Variants in FOCAD observed in about 807,000 individuals in gnomAD.
FOCAD encodes focadhesin.
In FOCAD, 198 loss-of-function variants were observed where a neutral mutation model predicts 225.6. The observed-to-expected ratio is 0.88, with a 90% CI of 0.78 to 0.99. FOCAD has a LOEUF of 0.99. Among genes scored for constraint, FOCAD ranks in the 50% least tolerant of loss-of-function variants. FOCAD has a pLI of 0.00. For synonymous variants in FOCAD, 897 were observed against 755.0 expected, an observed-to-expected ratio of 1.19 and a Z score of -3.08; for missense variants, 2,713 against 2,123.6, an observed-to-expected ratio of 1.28 and a Z score of -5.46.
In FOCAD at chr9:20,789,596, AG is replaced by A; in HGVS notation, c.1444del (p.Asp482IlefsTer8). 1.2e-6 allele frequency: 2 copies of A among 1,613,916 alleles called. No homozygotes were observed. The highest frequency in any genetic ancestry group is 1.7e-6 in the Non-Finnish European group (2 of 1,179,890). On this transcript the variant is annotated frameshift_variant, in exon 11 of 44. Transcript: ENST00000338382. LOFTEE classifies it high-confidence loss of function. ...AGGTCACTACAGAATTAGCCCAAGC[AG>A]ATTCCTCCCAGGTAAAGCAAGAGAA... ...LKVTTELAQADSSQVPNLIPV... is the reference protein window; with the variant it reads ...LKVTTELAQAXSSQVPNLIPV...
chr9:20,772,521 A>G (rs758566489), intron 8 of FOCAD, among the ~76,000 whole-genome samples: 10 of 152,212 alleles, frequency 6.6e-5, no homozygotes, highest in Admixed American at 6.5e-5. Flanking sequence ...CAAGAAAATC[A>G]AGGGAAGGAA....
chr9:20,725,185 C>A (rs1159239891), intron 4 of FOCAD, among the ~76,000 whole-genome samples: 2 of 152,266 alleles, frequency 1.3e-5, no homozygotes, highest in East Asian at 3.9e-4. Context: ...CAATCAATCA[C>A]TCAATCAATC....
At chr9:20,854,684 T>G (rs1474395822) in intron 15 of FOCAD, among the ~76,000 whole-genome samples, 1 of 151,748 alleles carries the variant, frequency 6.6e-6, no homozygotes, top group African/African-American at 2.4e-5. Context: ...CAACAAAGTA[T>G]GCATAACATA....
intron 21 of FOCAD, among the ~76,000 whole-genome samples, chr9:20,896,321 A>G (rs1832082951): frequency 6.6e-6 from 1 of 151,752 alleles, no homozygotes; most frequent in East Asian, 1.9e-4. Flanking sequence ...GAGATTTCCT[A>G]TTCTTGTTAA....
chr9:20,712,287 A>G (rs1824914984), intron 1 of FOCAD, among the ~76,000 whole-genome samples: 1 of 152,174 alleles, frequency 6.6e-6, no homozygotes, highest in South Asian at 2.1e-4. Context: ...CTTTTTAGTA[A>G]AAAAACGCCG....
intron 28 of FOCAD, among the ~76,000 whole-genome samples, chr9:20,933,891 A>T (rs534475171): frequency 2.3e-4 from 35 of 151,508 alleles, no homozygotes; most frequent in Admixed American, 9.8e-4. Flanking sequence ...TTTTTTTATT[A>T]TGGCCATTCT....
chr9:20,917,384 C>G (rs1023198612), intron 24 of FOCAD, among the ~76,000 whole-genome samples: 8 of 152,082 alleles, frequency 5.3e-5, no homozygotes, highest in African/African-American at 1.9e-4. Flanking sequence ...AAACTAATGC[C>G]AAGGCCCATT....
At chr9:20,979,297 C>T (rs1840478647) in intron 37 of FOCAD, among the ~76,000 whole-genome samples, 1 of 152,130 alleles carries the variant, frequency 6.6e-6, no homozygotes, top group Non-Finnish European at 1.5e-5. Context: ...TTATCATTTC[C>T]TCAGTCTCTT....
At chr9:20,915,891 A>G (rs1450079934) in intron 23 of FOCAD, among the ~76,000 whole-genome samples, 2 of 152,166 alleles carry the variant, frequency 1.3e-5, no homozygotes, top group African/African-American at 2.4e-5. Context: ...ACACTGACCA[A>G]TGAAATATTA....
At chr9:20,956,254 C>T (rs926992728) in intron 35 of FOCAD, among the ~76,000 whole-genome samples, 5 of 152,138 alleles carry the variant, frequency 3.3e-5, no homozygotes, top group African/African-American at 7.2e-5. Context: ...ATAAATAATA[C>T]GAGAAAGCTG....
At chr9:20,801,004 G>C (rs1019536345) in intron 11 of FOCAD, among the ~76,000 whole-genome samples, 1 of 152,044 alleles carries the variant, frequency 6.6e-6, no homozygotes, top group Non-Finnish European at 1.5e-5. Flanking sequence ...CTTTGATGAT[G>C]GTGAAGTACA....
At chr9:20,964,683 A>G (rs1475333558) in intron 35 of FOCAD, among the ~76,000 whole-genome samples, 2 of 151,960 alleles carry the variant, frequency 1.3e-5, no homozygotes, top group Non-Finnish European at 2.9e-5. Flanking sequence ...CAACAGGCGC[A>G]TGCCACCACG....
chr9:20,851,533 C>T lies in FOCAD; in HGVS notation c.1921-11045C>T, dbSNP rs1366034435. 4.0e-5 allele frequency among the ~76,000 whole-genome samples: 6 copies of T among 151,710 alleles called. No homozygotes were observed. The East Asian group carries it at 9.6e-4, about 24-fold the overall frequency. On this transcript the variant is annotated intron_variant, in intron 15 of 43. Coordinates refer to ENST00000338382, the MANE Select transcript of FOCAD (RefSeq NM_001375567.1). The stretch of plus-strand genomic sequence containing the variant: ...GCTGTCACATTTCTAATTTCCTACC[C>T]GTTTTGAAATTTTAAAGTAAATTCA...
At chr9:20,746,122 C>T (rs1462708012) in intron 5 of FOCAD, among the ~76,000 whole-genome samples, 1 of 152,186 alleles carries the variant, frequency 6.6e-6, no homozygotes, top group African/African-American at 2.4e-5. Flanking sequence ...TTTAAGTGCG[C>T]AAAGACCAGT....
At chr9:20,702,159 G>T (rs1183599092) in intron 1 of FOCAD, among the ~76,000 whole-genome samples, 2 of 152,062 alleles carry the variant, frequency 1.3e-5, no homozygotes, top group African/African-American at 4.8e-5. Flanking sequence ...CTGGAGTGCA[G>T]TGGCATGATA....
chr9:20,908,540 A>G (rs941969406), intron 22 of FOCAD, among the ~76,000 whole-genome samples: 27 of 152,086 alleles, frequency 1.8e-4, no homozygotes, highest in Admixed American at 7.2e-4. Flanking sequence ...ACTTAGAGCA[A>G]ACAGTTTTAG....
chr9:20,679,586 G>A (rs933707206), upstream of FOCAD, among the ~76,000 whole-genome samples: 1 of 150,432 alleles, frequency 6.6e-6, no homozygotes, highest in East Asian at 1.9e-4. Flanking sequence ...CTTTTTTTTT[G>A]TTGTTGTTAA....
At chr9:20,818,531 A>G (rs1215665075) in intron 11 of FOCAD, among the ~76,000 whole-genome samples, 1 of 151,918 alleles carries the variant, frequency 6.6e-6, no homozygotes, top group East Asian at 1.9e-4. Flanking sequence ...TTTTGAGTTA[A>G]TTTTTACATG....
intron 11 of FOCAD, among the ~76,000 whole-genome samples, chr9:20,797,453 G>A (rs1449644904): frequency 6.6e-6 from 1 of 152,126 alleles, no homozygotes; most frequent in Non-Finnish European, 1.5e-5. Flanking sequence ...CCATGAGCAT[G>A]GAATGTTTTT....
Sources: allele counts gnomAD v4.1 joint callset (sites outside exome capture counted in the v4.1 genomes callset), GRCh38; gene constraint gnomAD v4.1.1; transcripts MANE v1.5; gene names NCBI Gene and HGNC (gene_info 2026-07-23, HGNC 2026-07-21).